The following VPS16 variants were observed in gnomAD, a reference collection of about 807,000 sequenced individuals.
VPS16 encodes vacuolar protein sorting-associated protein 16 homolog.
In VPS16, 82 loss-of-function variants were observed where a neutral mutation model predicts 116.0. That is an observed-to-expected ratio of 0.71 (90% CI 0.59 to 0.85). The LOEUF is 0.85. VPS16 is among the 40% of genes least tolerant of loss of function. The pLI, the probability that VPS16 is intolerant of heterozygous loss-of-function variation, is 0.00. For synonymous variants in VPS16, 406 were observed against 420.7 expected, an observed-to-expected ratio of 0.96 and a Z score of 0.43; for missense variants, 928 against 1,090.6, an observed-to-expected ratio of 0.85 and a Z score of 2.10.
At chr20:2,851,332 G>A (rs1280852077) in intron 1 of VPS16, among the ~76,000 whole-genome samples, 1 of 152,178 alleles carries the variant, frequency 6.6e-6, no homozygotes, top group African/African-American at 2.4e-5. Flanking sequence ...AGGTAGGCCG[G>A]GCATGGTGGC....
At chr20:2,859,146 A>G (rs2089201702) in intron 1 of VPS16, among the ~76,000 whole-genome samples, 1 of 151,982 alleles carries the variant, frequency 6.6e-6, no homozygotes, top group Non-Finnish European at 1.5e-5. Context: ...AAAAATACAG[A>G]AATTAGCCAG....
intron 1 of VPS16, among the ~76,000 whole-genome samples, chr20:2,859,260 G>C (rs930874028): frequency 3.9e-5 from 6 of 152,186 alleles, no homozygotes; most frequent in African/African-American, 1.2e-4. Context: ...CTGCACCTCA[G>C]CCTGGGCAAC....
chr20:2,862,056 G>A lies in VPS16; in HGVS notation c.997G>A (p.Ala333Thr), dbSNP rs554937064. 1.2e-5 allele frequency: 19 copies of A among 1,613,758 alleles called. No homozygotes were observed. The Admixed American group carries it at 2.3e-4, about 20-fold the overall frequency. ...CACTCACCAACTCCCTTCCCCAGCGGCCAGCGAGGAAATCTTCAAAATTGC... is the reference window on the plus strand; with the variant it reads ...CACTCACCAACTCCCTTCCCCAGCGACCAGCGAGGAAATCTTCAAAATTGC... ...THEFLHEVPA[A>T]SEEIFKIASM... The change falls in exon 11 of 24, where the codon GCC (alanine) becomes ACC (threonine). Residue 333 changes from alanine to threonine, a missense_variant and splice_region_variant. Ala to Thr is a moderately conservative substitution (Grantham distance 58, BLOSUM62 0). Coordinates refer to ENST00000380445, the MANE Select transcript of VPS16 (RefSeq NM_022575.4).
rs554766275 is a variant in VPS16 at position 2,844,948 on chromosome 20, G to A, written c.53+4121G>A. ...TGTAGATCACCGTTATCTGAAGAAC[G>A]ATGGGAAGCCTCAATTAAAGGATCT... is the stretch of plus-strand genomic sequence containing the variant. On this transcript the variant is annotated intron_variant, in intron 1 of 23. Transcript: ENST00000380445. Among the ~76,000 whole-genome samples the A allele has an allele frequency of 4.2e-5, 6 of 141,544 alleles. 1 individual carries two copies. Among genetic ancestry groups the A allele is most frequent in the African/African-American group, 1.1e-4 (4 of 37,740 alleles). The allele number at this position is 141,544 out of a possible 152,430, so 92.9% of individuals were successfully genotyped here. A position where few individuals can be genotyped will look rare whatever the true frequency, so the allele number is the denominator to read the frequency against.
chr20:2,853,829 C>T (rs1462760810), intron 1 of VPS16, among the ~76,000 whole-genome samples: 1 of 152,044 alleles, frequency 6.6e-6, no homozygotes, highest in African/African-American at 2.4e-5. Context: ...CCCGCCACCA[C>T]ACCTGGCTAA....
In VPS16 at chr20:2,866,588, T is replaced by C. The variant is rs1035960072; in HGVS notation, c.*14T>C. 1.7e-5 allele frequency: 27 copies of C among 1,613,378 alleles called. No homozygotes were observed. Among genetic ancestry groups the C allele is most frequent in the Admixed American group, 3.3e-5 (2 of 59,962 alleles). On this transcript the variant is annotated 3_prime_UTR_variant, in exon 24 of 24. Transcript: ENST00000380445. ...CAGAAGAAGTGAGGAGTCCATCCTGTACATCTCAAGCAAGGGGTTCCTCCC... is the reference window on the plus strand; with the variant it reads ...CAGAAGAAGTGAGGAGTCCATCCTGCACATCTCAAGCAAGGGGTTCCTCCC...
Position 2,863,372 on chromosome 20 carries a change from A to G in VPS16, c.1450A>G (p.Ile484Val), listed in dbSNP as rs2089264636. 1 of 1,614,196 alleles carries G rather than the reference A, an allele frequency of 6.2e-7. No individual in the cohort carries two copies. The highest frequency in any genetic ancestry group is 2.2e-5 in the East Asian group (1 of 44,882). The change falls in exon 15 of 24, where the codon ATC (isoleucine) becomes GTC (valine). Residue 484 changes from isoleucine to valine, a missense_variant. Transcript: ENST00000380445. This position sits in a 1 kb window ranked among gnomAD's most constrained non-coding sequence, Gnocchi z 4.4. ...RLPEVQGVSR[I>V]LAHWACYKVQ... ...TCCTGAAGTACAGGGCGTCAGCAGG[A>G]TCCTGGCCCACTGGGCCTGCTACAA...
rs759963744 is a variant in VPS16 at position 2,866,226 on chromosome 20, C to G, written c.2286C>G (p.Ile762Met). The G allele has an allele frequency of 1.6e-5, 26 of 1,614,050 alleles. No individual in the cohort carries two copies. The highest frequency in any genetic ancestry group is 1.6e-4 in the East Asian group (7 of 44,898). The change falls in exon 23 of 24, where the codon ATC (isoleucine) becomes ATG (methionine). Residue 762 changes from isoleucine to methionine, a missense_variant. Transcript: ENST00000380445. ...TCTCCTCCAAGCCTTTTGTGGAGAT[C>G]TGCATGAAACAACATAACAAATACG... ...SPIGYLPFVE[I>M]CMKQHNKYEA...
At position 2,864,879 on chromosome 20, in the gene VPS16, G is replaced by C; in HGVS notation, c.1927-99G>C. 1.3e-6 allele frequency: 2 copies of C among 1,532,718 alleles called. No homozygotes were observed. Among genetic ancestry groups the C allele is most frequent in the Non-Finnish European group, 1.8e-6 (2 of 1,112,538 alleles). The allele number at this position is 1,532,718 out of a possible 1,614,324, so 94.9% of individuals were successfully genotyped here. On this transcript the variant is annotated intron_variant, in intron 19 of 23. Transcript: ENST00000380445. The surrounding 1 kb of genome is among the most constrained non-coding windows in gnomAD (Gnocchi z 5.2). The stretch of plus-strand genomic sequence containing the variant: ...CCTAGCAGGCAAGGCTGACCCTGGC[G>C]ACCCTGGGCACAGGGATGGGGGAGA...
In VPS16 at chr20:2,859,767, G is replaced by C. The variant is rs768690591; in HGVS notation, c.102G>C (p.Arg34Ser). The C allele has an allele frequency of 1.9e-6, 3 of 1,613,248 alleles. No homozygotes were observed. The highest frequency in any genetic ancestry group is 2.5e-6 in the Non-Finnish European group (3 of 1,179,686). ...SMDWDLKEEL[R>S]DCLVAAAPYG... ...ACTGGGACCTGAAGGAGGAACTCAG[G>C]GATTGCCTGGTGGCTGCTGCACCCT... is the stretch of plus-strand genomic sequence containing the variant. Residue 34 changes from arginine (R) to serine (S), a missense_variant, in exon 2 of 24, where the codon AGG becomes AGC. Arg to Ser is a moderately radical substitution (Grantham distance 110, BLOSUM62 -1). Coordinates refer to ENST00000380445, the MANE Select transcript of VPS16 (RefSeq NM_022575.4).
intron 1 of VPS16, among the ~76,000 whole-genome samples, chr20:2,845,514 A>G (rs2089049697): frequency 1.3e-5 from 2 of 151,958 alleles, no homozygotes. Context: ...ATACATAAAC[A>G]TGAACTTTTT....
Position 2,860,309 on chromosome 20 carries a change from G to C in VPS16, c.311G>C (p.Gly104Ala). 6.2e-7 allele frequency: 1 copy of C among 1,614,108 alleles called. No homozygotes were observed. The highest frequency in any genetic ancestry group is 1.1e-5 in the South Asian group (1 of 91,076). The change falls in exon 4 of 24, where the codon GGT becomes GCT. Residue 104 changes from glycine (G) to alanine (A), a missense_variant. Gly to Ala is a moderately conservative substitution (Grantham distance 60). Coordinates refer to ENST00000380445, the MANE Select transcript of VPS16 (RefSeq NM_022575.4). This position sits in a 1 kb window ranked among gnomAD's most constrained non-coding sequence, Gnocchi z 6.1. ...GAGCTGCTCTGTGTGCAGGAAGATG[G>C]TGCTGTACTGGTTTATGGGCTTCAT... ...EEELLCVQEDGAVLVYGLHGD... is the reference protein window; with the variant it reads ...EEELLCVQEDAAVLVYGLHGD...
At position 2,863,490 on chromosome 20, in the gene VPS16, C is replaced by T. The variant is rs144414419; in HGVS notation, c.1476+92C>T. The T allele has an allele frequency of 1.1e-3, 1,432 of 1,313,004 alleles. 21 individuals carry two copies. In the East Asian group the frequency reaches 0.028, roughly 25 times the overall value. The allele number at this position is 1,313,004 out of a possible 1,614,324, so 81.3% of individuals were successfully genotyped here. On this transcript the variant is annotated intron_variant, in intron 15 of 23. Coordinates refer to ENST00000380445, the MANE Select transcript of VPS16 (RefSeq NM_022575.4). This position sits in a 1 kb window ranked among gnomAD's most constrained non-coding sequence, Gnocchi z 4.4. ...AGAAAGTGTAGAACTGCGCTGGGCA[C>T]GGTGGCTCATGCCTGTAATCCCAAC...
At position 2,862,100 on chromosome 20, in the gene VPS16, G is replaced by A. The variant is rs201312902; in HGVS notation, c.1041G>A (p.Ala347=). The A allele has an allele frequency of 1.1e-5, 17 of 1,613,804 alleles. No homozygotes were observed. The East Asian group carries it at 1.8e-4, about 17-fold the overall frequency. The change falls in exon 11 of 24, where the codon GCG becomes GCA. Residue 347 remains alanine, a synonymous_variant. Transcript: ENST00000380445. ...AAATTGCCTCAATGGCCCCCGGGGCGCTGCTCCTGGAGGCTCAGAAGGAGT... is the reference window on the plus strand; with the variant it reads ...AAATTGCCTCAATGGCCCCCGGGGCACTGCTCCTGGAGGCTCAGAAGGAGT... ...IFKIASMAPG[A]LLLEAQKEYE...
Position 2,864,217 on chromosome 20 carries a change from C to T in VPS16, c.1650C>T (p.Pro550=). 6.2e-7 allele frequency: 1 copy of T among 1,614,200 alleles called. No individual in the cohort carries two copies. Among genetic ancestry groups the T allele is most frequent in the Non-Finnish European group, 8.5e-7 (1 of 1,180,038 alleles). The change falls in exon 17 of 24, where the codon CCC becomes CCT. Residue 550 remains proline (P), a synonymous_variant. Coordinates refer to ENST00000380445, the MANE Select transcript of VPS16 (RefSeq NM_022575.4). This position sits in a 1 kb window ranked among gnomAD's most constrained non-coding sequence, Gnocchi z 5.2. The part of the protein sequence containing the change: ...EYEPRSGEQV[P]LLLKMKRSKL... ...AGCCACGCTCAGGGGAGCAGGTACC[C>T]CTTCTCCTAAAGATGAAGAGGAGCA...
chr20:2,865,203 T>G lies in VPS16; in HGVS notation c.2060T>G (p.Leu687Arg), dbSNP rs1242309940. ...LRLQRRLEDE[L>R]GGQFLDLSLH... The stretch of plus-strand genomic sequence containing the variant: ...CTGCAGCGGCGCCTAGAAGACGAGC[T>G]GGGGGGCCAGTTCCTAGACCTGTCT... The change falls in exon 21 of 24, where the codon CTG becomes CGG. Residue 687 changes from leucine (L) to arginine (R), a missense_variant. Physicochemically the swap from Leu to Arg is moderately radical, Grantham distance 102 (BLOSUM62 -2). Transcript: ENST00000380445. The surrounding 1 kb of genome is among the most constrained non-coding windows in gnomAD (Gnocchi z 5.2). 1 of 1,614,086 alleles carries G rather than the reference T, an allele frequency of 6.2e-7. No homozygotes were observed. The highest frequency in any genetic ancestry group is 8.5e-7 in the Non-Finnish European group (1 of 1,180,018).
chr20:2,840,745 G>A lies in VPS16; in HGVS notation c.-30G>A, dbSNP rs773252998. 1.3e-6 allele frequency: 2 copies of A among 1,547,668 alleles called. No individual in the cohort carries two copies. Among genetic ancestry groups the A allele is most frequent in the South Asian group, 2.4e-5 (2 of 83,972 alleles). On this transcript the variant is annotated 5_prime_UTR_variant, in exon 1 of 24. Transcript: ENST00000380445. Reference sequence around the variant, plus strand: ...GCCCGCTCTAGGTGGGTGTCCCCTCGGTGCTTCCCAGCTGCCGTCTGCACC... The same window carrying A: ...GCCCGCTCTAGGTGGGTGTCCCCTCAGTGCTTCCCAGCTGCCGTCTGCACC...
In VPS16 at chr20:2,845,990, C is replaced by T. The variant is rs553132004; in HGVS notation, c.53+5163C>T. ...AATATGCCATTGTATGCATCTACCA[C>T]ATTTTGCTTATCCATTTCATCTTTC... On this transcript the variant is annotated intron_variant, in intron 1 of 23. Transcript: ENST00000380445. Among the ~76,000 whole-genome samples the T allele has an allele frequency of 3.3e-5, 5 of 152,196 alleles. No homozygotes were observed. The South Asian group carries it at 1.0e-3, about 32-fold the overall frequency.
intron 11 of VPS16, 81 bp downstream of exon 11, chr20:2,862,211 C>T (rs2089236354): frequency 6.7e-7 from 1 of 1,499,534 alleles, no homozygotes; most frequent in Admixed American, 2.0e-5. Flanking sequence ...AGCCAGGTGC[C>T]ACCTGTCAAG....
Sources: gnomAD v4.1 joint callset for allele counts (sites outside exome capture counted in the v4.1 genomes callset) on GRCh38, gnomAD v4.1.1 for gene constraint, Gnocchi (gnomAD v3.1) non-coding constraint, MANE v1.5 for transcripts, NCBI Gene and HGNC (gene_info 2026-07-23, HGNC 2026-07-21) for gene names.